DLGAP1: variants seen among roughly 807,000 people sequenced by gnomAD.
DLGAP1 encodes the protein disks large-associated protein 1.
A neutral mutation model predicts 90.8 loss-of-function variants in DLGAP1; 11 were observed. The ratio of observed to expected loss-of-function variants is 0.12; its 90% confidence interval spans 0.08 to 0.20. DLGAP1 has a LOEUF of 0.20. DLGAP1 is among the 10% of genes least tolerant of loss of function. The probability of loss-of-function intolerance (pLI) is 1.00; values close to 1 mark genes in which losing one functional copy is unlikely to be tolerated. For synonymous variants in DLGAP1, 558 were observed against 540.7 expected, an observed-to-expected ratio of 1.03 and a Z score of -0.44; for missense variants, 1,050 against 1,333.8, an observed-to-expected ratio of 0.79 and a Z score of 3.31.
intron 4 of DLGAP1, among the ~76,000 whole-genome samples, chr18:3,838,489 T>C (rs1023022659): frequency 3.3e-5 from 5 of 152,156 alleles, no homozygotes; most frequent in Non-Finnish European, 7.4e-5. Flanking sequence ...AAGTGAAGGA[T>C]TTCACTCTCC....
intron 7 of DLGAP1, among the ~76,000 whole-genome samples, chr18:3,592,542 C>CT (rs1207485778): frequency 2.0e-5 from 3 of 152,056 alleles, no homozygotes; most frequent in African/African-American, 7.2e-5. Flanking sequence ...GTGCTAAGAA[C>CT]TTAATAGACA....
At chr18:3,809,131 C>T (rs562045548) in intron 5 of DLGAP1, among the ~76,000 whole-genome samples, 1 of 152,230 alleles carries the variant, frequency 6.6e-6, no homozygotes. Context: ...TGGAGCACTG[C>T]ATTGAGACTG....
At chr18:3,980,453 C>A (rs1568332533) in intron 3 of DLGAP1, among the ~76,000 whole-genome samples, 1 of 152,100 alleles carries the variant, frequency 6.6e-6, no homozygotes, top group African/African-American at 2.4e-5. Context: ...TAATTTGTGT[C>A]CAAAATGAAG....
chr18:4,265,134 T>TC (rs1555774384), intron 1 of DLGAP1, among the ~76,000 whole-genome samples: 1 of 140,134 alleles, frequency 7.1e-6, no homozygotes, highest in Admixed American at 7.0e-5. Context: ...TTCCTTCCTT[T>TC]CCTCCCTCCC....
At chr18:4,175,130 T>C (rs956499552) in intron 1 of DLGAP1, among the ~76,000 whole-genome samples, 1 of 152,242 alleles carries the variant, frequency 6.6e-6, no homozygotes, top group African/African-American at 2.4e-5. Context: ...TGGTGTGAGA[T>C]GGTATCTCAT....
chr18:3,975,583 C>A (rs8099761), intron 3 of DLGAP1, among the ~76,000 whole-genome samples: 60,397 of 151,666 alleles, frequency 0.4, 12,178 homozygotes, highest in Non-Finnish European at 0.42. Context: ...GTATATACTG[C>A]AAAAAATAGA....
rs374277021 is a variant in DLGAP1, at chr18:3,981,318, A to C, written c.-73+23798T>G. The stretch of plus-strand genomic sequence containing the variant: ...AACTCAGCACAGGGAGAAGTGACTA[A>C]AGATTTGTGTGCCCACACGTGAAGT... On this transcript the variant is annotated intron_variant, in intron 3 of 12. Coordinates refer to ENST00000315677, the MANE Select transcript of DLGAP1 (RefSeq NM_004746.4). Among the ~76,000 whole-genome samples, 14 of 152,350 alleles carry C rather than the reference A, an allele frequency of 9.2e-5. 1 individual carries two copies. The highest frequency in any genetic ancestry group is 6.2e-4 in the South Asian group (3 of 4,828).
chr18:3,720,888 C>CCAAAAAAAAAAA (rs1441095000), intron 7 of DLGAP1, among the ~76,000 whole-genome samples: 9 of 50,306 alleles, frequency 1.8e-4, no homozygotes, highest in African/African-American at 7.2e-4. Context: ...CTTGTCTCTA[C>CCAAAAAAAAAAA]AAAAAAAAAA....
Position 4,182,679 on chromosome 18 carries a change from T to C in DLGAP1, c.-266-31392A>G, listed in dbSNP as rs115168798. On this transcript the variant is annotated intron_variant, in intron 1 of 12. Transcript: ENST00000315677. ...TCTCTTTTTAAAGTGTCTTTTGCTA[T>C]GGGGTCCATTCCAACTTAAAACTTA... is the stretch of plus-strand genomic sequence containing the variant. 7.5e-3 allele frequency among the ~76,000 whole-genome samples: 1,136 copies of C among 152,236 alleles called. 15 individuals carry two copies. Among genetic ancestry groups the C allele is most frequent in the African/African-American group, 0.026 (1,082 of 41,550 alleles).
intron 2 of DLGAP1, among the ~76,000 whole-genome samples, chr18:4,127,446 GAGAAA>G (rs1343481790): frequency 6.6e-6 from 1 of 152,102 alleles, no homozygotes; most frequent in Admixed American, 6.5e-5. Flanking sequence ...AAAGAGAGAA[GAGAAA>G]AGAAAAGGAA....
chr18:3,881,765 T>C (rs943201753), intron 3 of DLGAP1, among the ~76,000 whole-genome samples: 2 of 151,966 alleles, frequency 1.3e-5, no homozygotes, highest in Non-Finnish European at 2.9e-5. Context: ...TACAAAAAAT[T>C]AGCCAGGCAT....
chr18:4,262,568 G>T (rs1314011838), intron 1 of DLGAP1, among the ~76,000 whole-genome samples: 1 of 152,096 alleles, frequency 6.6e-6, no homozygotes, highest in Non-Finnish European at 1.5e-5. Context: ...GAATAAAACT[G>T]GTCATTGTTC....
rs10578079 is a variant in DLGAP1, at chr18:4,072,474, C to CT, written c.-158-67274dup. On this transcript the variant is annotated intron_variant, in intron 2 of 12. Transcript: ENST00000315677. ...TCATCATCATTTTCAACATCATTAT[C>CT]TTTTTTTTTTTTTTGAGACGGAGTC... Among the ~76,000 whole-genome samples, 1,404 of 144,118 alleles carry CT rather than the reference C, an allele frequency of 9.7e-3. 15 individuals are homozygous for CT. The highest frequency in any genetic ancestry group is 0.034 in the African/African-American group (1,324 of 39,236). The allele number at this position is 144,118 out of a possible 152,430, so 94.5% of individuals were successfully genotyped here.
At position 3,938,480 on chromosome 18, in the gene DLGAP1, C is replaced by A. The variant is rs556679181; in HGVS notation, c.-72-58340G>T. Among the ~76,000 whole-genome samples the A allele has an allele frequency of 6.6e-5, 10 of 152,082 alleles. No individual in the cohort carries two copies. In the South Asian group the frequency reaches 1.7e-3, roughly 25 times the overall value. The stretch of plus-strand genomic sequence containing the variant: ...AAATCTGGGAAAGGGCATTCTTGGC[C>A]GAGGGAAGTGCAGGTGCAAGGTCGC... On this transcript the variant is annotated intron_variant, in intron 3 of 12. Coordinates refer to ENST00000315677, the MANE Select transcript of DLGAP1 (RefSeq NM_004746.4).
intron 1 of DLGAP1, among the ~76,000 whole-genome samples, chr18:4,425,964 C>A (rs2083143066): frequency 6.6e-6 from 1 of 152,142 alleles, no homozygotes; most frequent in Non-Finnish European, 1.5e-5. Context: ...CTTCTAACAG[C>A]CAATTGCCTA....
At position 4,342,520 on chromosome 18, in the gene DLGAP1, G is replaced by A. The variant is rs1199666612; in HGVS notation, c.-267+112486C>T. On this transcript the variant is annotated intron_variant, in intron 1 of 12. Coordinates refer to ENST00000315677, the MANE Select transcript of DLGAP1 (RefSeq NM_004746.4). This position sits in a 1 kb window ranked among gnomAD's most constrained non-coding sequence, Gnocchi z 5.8. The stretch of plus-strand genomic sequence containing the variant: ...CTAATGTTACCTCATTGCCCACTTT[G>A]AAAGACCATATGGTGCATTTACTTG... Among the ~76,000 whole-genome samples the A allele has an allele frequency of 6.6e-6, 1 of 152,046 alleles. No individual in the cohort carries two copies. Among genetic ancestry groups the A allele is most frequent in the Non-Finnish European group, 1.5e-5 (1 of 68,018 alleles).
intron 3 of DLGAP1, among the ~76,000 whole-genome samples, chr18:3,912,723 G>A (rs886275913): frequency 5.9e-5 from 9 of 152,166 alleles, no homozygotes; most frequent in Non-Finnish European, 7.3e-5. Context: ...GTCCACAAGC[G>A]TCCTGACTTG....
At chr18:4,020,125 G>C (rs1487054445) in intron 2 of DLGAP1, among the ~76,000 whole-genome samples, 6 of 152,118 alleles carry the variant, frequency 3.9e-5, no homozygotes, top group Admixed American at 3.9e-4. Flanking sequence ...CCTCCAAGTA[G>C]CAGGCTTCAG....
At chr18:4,296,686 T>C (rs2079989867) in intron 1 of DLGAP1, among the ~76,000 whole-genome samples, 1 of 152,224 alleles carries the variant, frequency 6.6e-6, no homozygotes, top group Non-Finnish European at 1.5e-5. Context: ...TGTTCCAAAG[T>C]AATTCTTTAC....
Sources: allele counts gnomAD v4.1 joint callset (sites outside exome capture counted in the v4.1 genomes callset), GRCh38; gene constraint gnomAD v4.1.1; non-coding constraint Gnocchi (gnomAD v3.1); transcripts MANE v1.5; gene names NCBI Gene and HGNC (gene_info 2026-07-23, HGNC 2026-07-21).